Variants in CDCA3 observed in about 807,000 individuals in gnomAD.
CDCA3 encodes the protein cell division cycle-associated protein 3.
A neutral mutation model predicts 29.1 loss-of-function variants in CDCA3; 16 were observed. That is an observed-to-expected ratio of 0.55 (90% confidence interval 0.37 to 0.83). The LOEUF is 0.83. CDCA3 is among the 40% of genes least tolerant of loss of function. The probability of loss-of-function intolerance (pLI) is 0.00; values close to 1 mark genes in which losing one functional copy is unlikely to be tolerated. For missense variants in CDCA3, 291 were observed against 327.2 expected (o/e 0.89, Z 0.85); for synonymous variants, 88 against 124.5 (o/e 0.71, Z 1.95).
rs1295357645 is a variant in CDCA3, at chr12:6,851,250, A to T, written c.-86T>A. The T allele has an allele frequency of 8.5e-7, 1 of 1,172,518 alleles. No homozygotes were observed. The highest frequency in any genetic ancestry group is 1.1e-6 in the Non-Finnish European group (1 of 945,052). 72.6% of individuals were successfully genotyped at this position (1,172,518 alleles called of 1,614,324 possible). ...GCCCCAATTCCACCTCTGGATGCAC[A>T]ACAGCTCGTGGCTCAACTCCCGAAG... is the stretch of plus-strand genomic sequence containing the variant. On this transcript the variant is annotated 5_prime_UTR_variant, in exon 1 of 6. Coordinates refer to ENST00000538862, the MANE Select transcript of CDCA3 (RefSeq NM_031299.7).
Position 6,849,501 on chromosome 12 carries a change from A to G in CDCA3, c.544+64T>C, listed in dbSNP as rs1943785854. On this transcript the variant is annotated intron_variant, in intron 4 of 5. Coordinates refer to ENST00000538862, the MANE Select transcript of CDCA3 (RefSeq NM_031299.7). This position sits in a 1 kb window ranked among gnomAD's most constrained non-coding sequence, Gnocchi z 5.2. ...CAGTTTATTCCTCCCACACTCACCC[A>G]TGGACCTTATCCCAAAACATTATCC... The G allele has an allele frequency of 6.4e-7, 1 of 1,565,262 alleles. No individual in the cohort carries two copies. The highest frequency in any genetic ancestry group is 1.4e-5 in the African/African-American group (1 of 73,562).
downstream of CDCA3, chr12:6,845,557 C>T (rs1231656058): frequency 1.3e-6 from 2 of 1,540,394 alleles, no homozygotes; most frequent in South Asian, 1.1e-5. Context: ...AGGTCTGATC[C>T]CTGACCCACT....
At position 6,849,762 on chromosome 12, in the gene CDCA3, G is replaced by A; in HGVS notation, c.347C>T (p.Ala116Val). 1 of 1,610,920 alleles carries A rather than the reference G, an allele frequency of 6.2e-7. No homozygotes were observed. Residue 116 changes from alanine (A) to valine (V), a missense_variant, in exon 4 of 6, where the codon GCA (alanine) becomes GTA (valine). Physicochemically the swap from Ala to Val is moderately conservative, Grantham distance 64 (BLOSUM62 0). Coordinates refer to ENST00000538862, the MANE Select transcript of CDCA3 (RefSeq NM_031299.7). The surrounding 1 kb of genome is among the most constrained non-coding windows in gnomAD (Gnocchi z 5.2). ...CAAGTCCAATTCAGAAGATAAAGGT[G>A]CCTCTGGGGGCAGAACAGGCTCTGG... ...LPPEPVLPPEAPLSSELDLPL... is the reference protein window; with the variant it reads ...LPPEPVLPPEVPLSSELDLPL...
chr12:6,849,523 A>G lies in CDCA3; in HGVS notation c.544+42T>C, dbSNP rs1943786653. 1 of 1,573,684 alleles carries G rather than the reference A, an allele frequency of 6.4e-7. No homozygotes were observed. The highest frequency in any genetic ancestry group is 1.4e-5 in the African/African-American group (1 of 73,654). On this transcript the variant is annotated intron_variant, in intron 4 of 5. Coordinates refer to ENST00000538862, the MANE Select transcript of CDCA3 (RefSeq NM_031299.7). The surrounding 1 kb of genome is among the most constrained non-coding windows in gnomAD (Gnocchi z 5.2). ...CCCATGGACCTTATCCCAAAACATT[A>G]TCCTAGTTTATCTTCCCTGCATCTT...
rs1943785677 is a variant in CDCA3 at position 6,849,494 on chromosome 12, C to T, written c.545-65G>A. The T allele has an allele frequency of 1.2e-5, 18 of 1,558,886 alleles. No individual in the cohort carries two copies. Among genetic ancestry groups the T allele is most frequent in the Admixed American group, 1.9e-5 (1 of 53,716 alleles). ...GGACTTACAGTTTATTCCTCCCACA[C>T]TCACCCATGGACCTTATCCCAAAAC... On this transcript the variant is annotated intron_variant, in intron 4 of 5. Coordinates refer to ENST00000538862, the MANE Select transcript of CDCA3 (RefSeq NM_031299.7). This position sits in a 1 kb window ranked among gnomAD's most constrained non-coding sequence, Gnocchi z 5.2.
At chr12:6,845,545 C>A, downstream of CDCA3, 1 of 1,424,814 alleles carries the variant, frequency 7.0e-7, no homozygotes, top group Non-Finnish European at 9.8e-7. Flanking sequence ...TGTGGGCTGC[C>A]CAGGTCTGAT....
chr12:6,851,154 G>C lies in CDCA3; in HGVS notation c.-58+68C>G. 5.8e-6 allele frequency: 8 copies of C among 1,375,858 alleles called. No homozygotes were observed. The South Asian group carries it at 1.4e-4, about 24-fold the overall frequency. The allele number at this position is 1,375,858 out of a possible 1,614,324, so 85.2% of individuals were successfully genotyped here. On this transcript the variant is annotated intron_variant, in intron 1 of 5. Transcript: ENST00000538862. ...TGCGGAGTTAATGACTGCTGCAGCT[G>C]ACAAAATGGCTCGTTCTGGGCCTGC...
At position 6,850,390 on chromosome 12, in the gene CDCA3, G is replaced by A; in HGVS notation, c.250+77C>T. 2 of 1,580,576 alleles carry A rather than the reference G, an allele frequency of 1.3e-6. No homozygotes were observed. The highest frequency in any genetic ancestry group is 2.2e-5 in the East Asian group (1 of 44,542). On this transcript the variant is annotated intron_variant, in intron 3 of 5. Coordinates refer to ENST00000538862, the MANE Select transcript of CDCA3 (RefSeq NM_031299.7). The surrounding 1 kb of genome is among the most constrained non-coding windows in gnomAD (Gnocchi z 4.7). ...GATAGAGGCCCCTTTAAGGAACCCT[G>A]AGAGAATGGCTTCATGGACCCTACC...
downstream of CDCA3, among the ~76,000 whole-genome samples, chr12:6,847,701 G>A (rs1316171592): frequency 1.3e-5 from 2 of 152,186 alleles, no homozygotes; most frequent in African/African-American, 4.8e-5. Flanking sequence ...TTTCCTAAGG[G>A]CAATGAGAAG....
downstream of CDCA3, chr12:6,845,638 G>A (rs782467023): frequency 2.5e-5 from 40 of 1,613,660 alleles, no homozygotes; most frequent in Admixed American, 2.3e-4. Flanking sequence ...GCTTCCTGCC[G>A]CTTGTTTGAC....
Position 6,849,613 on chromosome 12 carries a change from G to C in CDCA3, c.496C>G (p.Gln166Glu). Residue 166 changes from glutamine to glutamate, a missense_variant, in exon 4 of 6, where the codon CAG becomes GAG. Transcript: ENST00000538862. This position sits in a 1 kb window ranked among gnomAD's most constrained non-coding sequence, Gnocchi z 5.2. ...TCCCTTGAGGGCTTGTCGGAGCTCT[G>C]GCTGGCCACAGGGGTTTCTGTGGGC... ...RQPTETPVAS[Q>E]SSDKPSRDPE... The C allele has an allele frequency of 6.2e-7, 1 of 1,613,848 alleles. No homozygotes were observed. Among genetic ancestry groups the C allele is most frequent in the South Asian group, 1.1e-5 (1 of 91,052 alleles).
Position 6,849,222 on chromosome 12 carries a change from G to A in CDCA3, c.652-24C>T, listed in dbSNP as rs781814047. ...CCCTGAAAACGGCAGTGTATGAGTT[G>A]GGGGGAGTTGCTGTTCAGAAGAGGG... On this transcript the variant is annotated intron_variant, in intron 5 of 5. Coordinates refer to ENST00000538862, the MANE Select transcript of CDCA3 (RefSeq NM_031299.7). This position sits in a 1 kb window ranked among gnomAD's most constrained non-coding sequence, Gnocchi z 5.2. 4 of 1,613,312 alleles carry A rather than the reference G, an allele frequency of 2.5e-6. No individual in the cohort carries two copies. Among genetic ancestry groups the A allele is most frequent in the Non-Finnish European group, 3.4e-6 (4 of 1,179,568 alleles).
chr12:6,848,994 C>T lies in CDCA3; in HGVS notation c.*49G>A, dbSNP rs1393632439. 1.3e-6 allele frequency: 1 copy of T among 767,364 alleles called. No individual in the cohort carries two copies. The highest frequency in any genetic ancestry group is 1.7e-5 in the African/African-American group (1 of 58,434). The allele number at this position is 767,364 out of a possible 1,614,324, so 47.5% of individuals were successfully genotyped here. ...CTGGGAAAGAAGGGGTGAGAGGACACAGATATCACCAGGCCCTGGGTGACT... is the reference window on the plus strand; with the variant it reads ...CTGGGAAAGAAGGGGTGAGAGGACATAGATATCACCAGGCCCTGGGTGACT... On this transcript the variant is annotated 3_prime_UTR_variant, in exon 6 of 6. Coordinates refer to ENST00000538862, the MANE Select transcript of CDCA3 (RefSeq NM_031299.7).
At chr12:6,845,663 G>A (rs1591592383), downstream of CDCA3, 9 of 1,614,092 alleles carry the variant, frequency 5.6e-6, no homozygotes, top group East Asian at 2.0e-4. Flanking sequence ...GGGCAGACCA[G>A]GAGCTGATCT....
In CDCA3 at chr12:6,849,958, G is replaced by T; in HGVS notation, c.251-100C>A. 9.1e-7 allele frequency: 1 copy of T among 1,104,508 alleles called. No individual in the cohort carries two copies. The highest frequency in any genetic ancestry group is 1.2e-6 in the Non-Finnish European group (1 of 800,506). The allele number at this position is 1,104,508 out of a possible 1,614,324, so 68.4% of individuals were successfully genotyped here. A position where few individuals can be genotyped will look rare whatever the true frequency, so the allele number is the denominator to read the frequency against. The stretch of plus-strand genomic sequence containing the variant: ...CCAGGACTCATGCCCAGGAGGGTGA[G>T]CAAGTGGGAAGAGAGAAATCAAGGA... On this transcript the variant is annotated intron_variant, in intron 3 of 5. Transcript: ENST00000538862. This position sits in a 1 kb window ranked among gnomAD's most constrained non-coding sequence, Gnocchi z 5.2.
chr12:6,850,188 G>A lies in CDCA3; in HGVS notation c.250+279C>T. On this transcript the variant is annotated intron_variant, in intron 3 of 5. Transcript: ENST00000538862. This position sits in a 1 kb window ranked among gnomAD's most constrained non-coding sequence, Gnocchi z 4.7. ...GTGTGTGTGTGTGTGTGTTATGTGT[G>A]TGTATTTTTTCTAGAGATGGGGTTT... 1 of 519,816 alleles carries A rather than the reference G, an allele frequency of 1.9e-6. No homozygotes were observed. The highest frequency in any genetic ancestry group is 3.5e-6 in the Non-Finnish European group (1 of 288,530). 32.2% of individuals were successfully genotyped at this position (519,816 alleles called of 1,614,324 possible).
At chr12:6,844,848 C>T (rs1022109138), downstream of CDCA3, 41 of 152,238 alleles carry the variant, frequency 2.7e-4, no homozygotes, top group African/African-American at 9.9e-4. Flanking sequence ...TTGCAGACAT[C>T]ATGTTTCTTT....
rs889574190 is a variant in CDCA3 at position 6,850,060 on chromosome 12, C to T, written c.251-202G>A. 2.3e-5 allele frequency: 12 copies of T among 521,486 alleles called. No individual in the cohort carries two copies. The highest frequency in any genetic ancestry group is 4.9e-4 in the Middle Eastern group (1 of 2,036). 32.3% of individuals were successfully genotyped at this position (521,486 alleles called of 1,614,324 possible). A position where few individuals can be genotyped will look rare whatever the true frequency, so the allele number is the denominator to read the frequency against. ...TGTCCCCCAGGCTGGAGTGCAGTGG[C>T]GTGATCACAGTTCACTGCAGCCTTG... is the stretch of plus-strand genomic sequence containing the variant. On this transcript the variant is annotated intron_variant, in intron 3 of 5. Coordinates refer to ENST00000538862, the MANE Select transcript of CDCA3 (RefSeq NM_031299.7). This position sits in a 1 kb window ranked among gnomAD's most constrained non-coding sequence, Gnocchi z 4.7.
At chr12:6,845,832 C>T (rs1555124573), downstream of CDCA3, 5 of 1,522,704 alleles carry the variant, frequency 3.3e-6, no homozygotes, top group Non-Finnish European at 4.6e-6. Flanking sequence ...GCTGCTTCCT[C>T]AGCTGGAAGG....
Sources: gnomAD v4.1 joint callset for allele counts (sites outside exome capture counted in the v4.1 genomes callset) on GRCh38, gnomAD v4.1.1 for gene constraint, Gnocchi (gnomAD v3.1) non-coding constraint, MANE v1.5 for transcripts, NCBI Gene and HGNC (gene_info 2026-07-23, HGNC 2026-07-21) for gene names.